Variants in ZNRF2 observed in about 807,000 individuals in gnomAD.
The protein encoded by ZNRF2 is E3 ubiquitin-protein ligase ZNRF2.
ZNRF2 carries 16 observed loss-of-function variants against 20.4 expected under a neutral mutation model. That is an observed-to-expected ratio of 0.79 (90% CI 0.53 to 1.19). ZNRF2 has a LOEUF of 1.19. ZNRF2 is among the 50% of genes most tolerant of loss of function. The probability of loss-of-function intolerance (pLI) is 0.00; values close to 1 mark genes in which losing one functional copy is unlikely to be tolerated. For synonymous variants in ZNRF2, 178 were observed against 144.9 expected (o/e 1.23, Z -1.64); for missense variants, 363 against 332.4 (o/e 1.09, Z -0.72).
chr7:30,331,725 A>C (rs916937403), intron 2 of ZNRF2, among the ~76,000 whole-genome samples: 4 of 152,344 alleles, frequency 2.6e-5, no homozygotes, highest in Middle Eastern at 3.4e-3. Flanking sequence ...AACTGCCATA[A>C]ATAAAAATAA....
At chr7:30,300,846 A>G (rs1366402492) in intron 1 of ZNRF2, among the ~76,000 whole-genome samples, 4 of 152,354 alleles carry the variant, frequency 2.6e-5, no homozygotes, top group Middle Eastern at 3.4e-3. Context: ...CAATGGCTAG[A>G]TATATGTAGT....
Position 30,285,477 on chromosome 7 carries a change from C to T in ZNRF2, c.120C>T (p.Gly40=), listed in dbSNP as rs1583558752. 1.8e-6 allele frequency: 2 copies of T among 1,100,396 alleles called. No homozygotes were observed. The highest frequency in any genetic ancestry group is 2.6e-5 in the South Asian group (1 of 39,130). 68.2% of individuals were successfully genotyped at this position (1,100,396 alleles called of 1,614,324 possible). A position where few individuals can be genotyped will look rare whatever the true frequency, so the allele number is the denominator to read the frequency against. ...GANGTAGGGG[G]ARAAAAGRFP... is the part of the protein sequence containing the mutation. ...ATGGGACCGCGGGCGGCGGCGGGGG[C>T]GCTCGGGCCGCCGCCGCGGGGAGGT... The change falls in exon 1 of 5, where the codon GGC becomes GGT. Residue 40 remains glycine, a synonymous_variant. Coordinates refer to ENST00000323037, the MANE Select transcript of ZNRF2 (RefSeq NM_147128.4).
intron 2 of ZNRF2, among the ~76,000 whole-genome samples, chr7:30,345,535 C>CT (rs987340138): frequency 2.1e-4 from 31 of 148,576 alleles, no homozygotes; most frequent in African/African-American, 4.7e-4. Flanking sequence ...TGGTCCTTCT[C>CT]TTTTTTTTTT....
chr7:30,329,502 AGTTTT>A (rs1302404971), intron 2 of ZNRF2, among the ~76,000 whole-genome samples: 1 of 151,928 alleles, frequency 6.6e-6, no homozygotes, highest in South Asian at 2.1e-4. Flanking sequence ...CCATGAGATC[AGTTTT>A]GTTTTGTTTT....
intron 1 of ZNRF2, among the ~76,000 whole-genome samples, chr7:30,308,875 ATAT>A (rs1258457592): frequency 3.3e-5 from 5 of 152,196 alleles, no homozygotes; most frequent in Admixed American, 6.6e-5. Flanking sequence ...CTTTCTAAAA[ATAT>A]TATTAGAAAT....
intron 3 of ZNRF2, among the ~76,000 whole-genome samples, chr7:30,362,092 G>A (rs575573386): frequency 6.6e-6 from 1 of 152,252 alleles, no homozygotes; most frequent in South Asian, 2.1e-4. Context: ...TTGTTATTCA[G>A]TTTTGAATAT....
chr7:30,359,947 G>T (rs535338626), intron 3 of ZNRF2, among the ~76,000 whole-genome samples: 1 of 152,206 alleles, frequency 6.6e-6, no homozygotes, highest in South Asian at 2.1e-4. Context: ...GAAATACCTG[G>T]ATAATAGTTT....
chr7:30,352,443 C>T (rs1799974189), intron 2 of ZNRF2, among the ~76,000 whole-genome samples: 1 of 151,996 alleles, frequency 6.6e-6, no homozygotes, highest in African/African-American at 2.4e-5. Flanking sequence ...TTTTCTTTTC[C>T]TGTAATCAGT....
intron 2 of ZNRF2, among the ~76,000 whole-genome samples, chr7:30,339,566 A>T (rs935837668): frequency 6.6e-6 from 1 of 152,062 alleles, no homozygotes; most frequent in Non-Finnish European, 1.5e-5. Flanking sequence ...CAAAGATCAG[A>T]TGGTTGTAGA....
chr7:30,347,420 C>T (rs562453075), intron 2 of ZNRF2, among the ~76,000 whole-genome samples: 2 of 152,194 alleles, frequency 1.3e-5, no homozygotes, highest in Non-Finnish European at 2.9e-5. Flanking sequence ...GCCTTCCTCC[C>T]TGCTCTGTTA....
chr7:30,303,393 A>G (rs1455538978), intron 1 of ZNRF2, among the ~76,000 whole-genome samples: 2 of 152,218 alleles, frequency 1.3e-5, no homozygotes, highest in South Asian at 2.1e-4. Context: ...TATGGCTCAA[A>G]CAAACTTTTG....
At chr7:30,333,669 A>C (rs946128865) in intron 2 of ZNRF2, among the ~76,000 whole-genome samples, 2 of 152,092 alleles carry the variant, frequency 1.3e-5, no homozygotes, top group Admixed American at 1.3e-4. Flanking sequence ...CACCCAGCCC[A>C]TATTTTGACT....
intron 2 of ZNRF2, among the ~76,000 whole-genome samples, chr7:30,343,685 GT>G (rs11320046): frequency 0.19 from 28,563 of 147,614 alleles, 3,126 homozygotes; most frequent in Non-Finnish European, 0.26. Flanking sequence ...TGCCTGATAA[GT>G]TTTTTTTTTC....
chr7:30,298,787 C>T (rs150649678), intron 1 of ZNRF2, among the ~76,000 whole-genome samples: 26 of 152,282 alleles, frequency 1.7e-4, no homozygotes, highest in Middle Eastern at 3.4e-3. Context: ...CAGCTCCTTA[C>T]GCAGACTGGC....
intron 1 of ZNRF2, among the ~76,000 whole-genome samples, chr7:30,306,465 T>C (rs1465892834): frequency 6.6e-6 from 1 of 152,140 alleles, no homozygotes; most frequent in East Asian, 1.9e-4. Context: ...AATTCCATCT[T>C]TTATGGCAAA....
chr7:30,310,468 C>T (rs1410347096), intron 1 of ZNRF2, among the ~76,000 whole-genome samples: 1 of 152,068 alleles, frequency 6.6e-6, no homozygotes, highest in East Asian at 1.9e-4. Context: ...GTCTCTGTTC[C>T]CTCTTTTTGT....
intron 1 of ZNRF2, among the ~76,000 whole-genome samples, chr7:30,296,382 A>G (rs187125884): frequency 6.4e-4 from 98 of 152,228 alleles, no homozygotes; most frequent in African/African-American, 2.3e-3. Context: ...GCGGTTGGAG[A>G]TGGTTGGAAG....
intron 2 of ZNRF2, among the ~76,000 whole-genome samples, chr7:30,340,438 A>G (rs1048795040): frequency 1.3e-5 from 2 of 152,210 alleles, no homozygotes; most frequent in Non-Finnish European, 2.9e-5. Flanking sequence ...TAGTTTATTG[A>G]GAGTTTTTAG....
At chr7:30,355,962 A>G (rs1800029917) in intron 3 of ZNRF2, 129 bp downstream of exon 3, 5 of 592,914 alleles carry the variant, frequency 8.4e-6, no homozygotes, top group Admixed American at 3.2e-5. Context: ...TTAAAACTTA[A>G]TGATCTTTTT....
Sources: gnomAD v4.1 joint callset for allele counts (sites outside exome capture counted in the v4.1 genomes callset) on GRCh38, gnomAD v4.1.1 for gene constraint, MANE v1.5 for transcripts, NCBI Gene and HGNC (gene_info 2026-07-23, HGNC 2026-07-21) for gene names.